Variants in AMY1A observed in about 807,000 individuals in gnomAD.
AMY1A encodes amylase alpha 1A, also known as alpha-amylase 1A.
AMY1A carries 3 observed loss-of-function variants against 13.5 expected under a neutral mutation model. The ratio of observed to expected loss-of-function variants is 0.22; its 90% CI spans 0.10 to 0.57. AMY1A has a LOEUF of 0.57. Ranked by LOEUF, AMY1A falls within the 20% of genes least tolerant of loss-of-function variation. The probability of loss-of-function intolerance (pLI) is 0.92; values close to 1 mark genes in which losing one functional copy is unlikely to be tolerated. For synonymous variants in AMY1A, 3 were observed against 29.4 expected (o/e 0.10, Z 2.90); for missense variants, 9 against 101.2 (o/e 0.09, Z 3.91).
chr1:103,660,834 T>TA (rs1393816402), intron 8 of AMY1A, among the ~76,000 whole-genome samples, 158 bp downstream of exon 8: 1 of 101,740 alleles, frequency 9.8e-6, no homozygotes, highest in East Asian at 2.6e-4. Context: ...CAGGTTATAT[T>TA]AAAGGAATAA....
Position 103,660,504 on chromosome 1 carries a change from T to C in AMY1A, c.1001+22T>C, listed in dbSNP as rs770134233. The C allele has an allele frequency of 1.3e-5, 18 of 1,404,600 alleles. No homozygotes were observed. In the South Asian group the frequency reaches 2.4e-4, roughly 19 times the overall value. The allele number at this position is 1,404,600 out of a possible 1,614,324, so 87.0% of individuals were successfully genotyped here. ...CTAGGTAAAAAACCAAGTTCTCTAT[T>C]TTTTTAACACCTCTTTTAATGATGG... is the stretch of plus-strand genomic sequence containing the variant. On this transcript the variant is annotated intron_variant, in intron 7 of 10. Transcript: ENST00000370083.
chr1:103,662,344 G>T (rs1485160272), intron 8 of AMY1A, among the ~76,000 whole-genome samples: 3 of 121,780 alleles, frequency 2.5e-5, no homozygotes, highest in Non-Finnish European at 5.4e-5. Context: ...GATCAAGGCT[G>T]CAGTGAGCTA....
chr1:103,660,936 TA>T (rs1233607075), intron 8 of AMY1A, among the ~76,000 whole-genome samples: 2 of 56,838 alleles, frequency 3.5e-5, no homozygotes, highest in Non-Finnish European at 8.1e-5. Context: ...AAATAAAAAT[TA>T]AAAAAACCAC....
rs1319547940 is a variant in AMY1A at position 103,660,530 on chromosome 1, T to C, written c.1002-47T>C. 2.1e-6 allele frequency: 3 copies of C among 1,395,966 alleles called. 1 individual carries two copies. The highest frequency in any genetic ancestry group is 1.9e-5 in the Admixed American group (1 of 52,312). The allele number at this position is 1,395,966 out of a possible 1,614,324, so 86.5% of individuals were successfully genotyped here. A position where few individuals can be genotyped will look rare whatever the true frequency, so the allele number is the denominator to read the frequency against. On this transcript the variant is annotated intron_variant, in intron 7 of 10. Coordinates refer to ENST00000370083, the MANE Select transcript of AMY1A (RefSeq NM_004038.4). ...TTTTTAACACCTCTTTTAATGATGG[T>C]ATGAATATTGTGATATTCTATGATA... is the stretch of plus-strand genomic sequence containing the variant.
intron 8 of AMY1A, among the ~76,000 whole-genome samples, chr1:103,660,913 G>A (rs1442666572): frequency 1.3e-5 from 1 of 75,322 alleles, no homozygotes; most frequent in African/African-American, 4.3e-5. Context: ...CCCCTAGCCC[G>A]CAGGGAAAAT....
At chr1:103,662,202 T>C (rs1476505262) in intron 8 of AMY1A, among the ~76,000 whole-genome samples, 2 of 131,830 alleles carry the variant, frequency 1.5e-5, no homozygotes, top group Non-Finnish European at 3.3e-5. Flanking sequence ...TCAAGACCTA[T>C]CTGGGCAAGC....
chr1:103,662,225 G>T (rs1283002386), intron 8 of AMY1A, among the ~76,000 whole-genome samples: 1 of 135,942 alleles, frequency 7.4e-6, no homozygotes, highest in Admixed American at 7.6e-5. Flanking sequence ...GCAAGACCTT[G>T]CCTCTACTGA....
At chr1:103,660,918 GAAAATA>G (rs1029100176) in intron 8 of AMY1A, among the ~76,000 whole-genome samples, 1 of 71,382 alleles carries the variant, frequency 1.4e-5, no homozygotes, top group African/African-American at 4.5e-5. Context: ...AGCCCGCAGG[GAAAATA>G]AAAATAAAAA....
At chr1:103,662,253 A>T (rs1474725850) in intron 8 of AMY1A, among the ~76,000 whole-genome samples, 9 of 137,874 alleles carry the variant, frequency 6.5e-5, no homozygotes, top group Non-Finnish European at 1.4e-4. Flanking sequence ...AAAAAAAAAA[A>T]AATTAGCTGG....
chr1:103,660,618 A>C lies in AMY1A; in HGVS notation c.1043A>C (p.Tyr348Ser). 7.7e-7 allele frequency: 1 copy of C among 1,299,740 alleles called. No individual in the cohort carries two copies. Among genetic ancestry groups the C allele is most frequent in the Non-Finnish European group, 1.0e-6 (1 of 966,246 alleles). The allele number at this position is 1,299,740 out of a possible 1,614,324, so 80.5% of individuals were successfully genotyped here. Residue 348 changes from tyrosine to serine, a missense_variant, in exon 8 of 11, where the codon TAT becomes TCT. Transcript: ENST00000370083. The part of the protein sequence containing the change: ...MAVGFMLAHP[Y>S]GFTRVMSSYR... ...GTTGGATTTATGCTTGCTCATCCTT[A>C]TGGATTTACACGAGTAATGTCAAGC...
Position 103,660,483 on chromosome 1 carries a change from G to T in AMY1A, c.1001+1G>T. 7.1e-7 allele frequency: 1 copy of T among 1,405,930 alleles called. No individual in the cohort carries two copies. Among genetic ancestry groups the T allele is most frequent in the South Asian group, 1.3e-5 (1 of 75,798 alleles). The allele number at this position is 1,405,930 out of a possible 1,614,324, so 87.1% of individuals were successfully genotyped here. A position where few individuals can be genotyped will look rare whatever the true frequency, so the allele number is the denominator to read the frequency against. ...CTATACTTACCTTCTGGGATGCTAG[G>T]TAAAAAACCAAGTTCTCTATTTTTT... On this transcript the variant is annotated splice_donor_variant, in intron 7 of 10. Coordinates refer to ENST00000370083, the MANE Select transcript of AMY1A (RefSeq NM_004038.4). LOFTEE classifies it high-confidence loss of function.
intron 7 of AMY1A, 35 bp downstream of exon 7, chr1:103,660,517 C>T (rs1462125651): frequency 2.1e-6 from 3 of 1,401,928 alleles, no homozygotes; most frequent in South Asian, 1.3e-5. Context: ...TTTAACACCT[C>T]TTTTAATGAT....
At chr1:103,660,745 A>AT in intron 8 of AMY1A, 69 bp downstream of exon 8, 1 of 789,652 alleles carries the variant, frequency 1.3e-6, no homozygotes, top group South Asian at 2.1e-5. Flanking sequence ...CTAATTTAAT[A>AT]TGACAACTAT....
rs947735182 is a variant in AMY1A at position 103,663,967 on chromosome 1, T to TA, written c.1347-357dup. Among the ~76,000 whole-genome samples the TA allele has an allele frequency of 6.8e-4, 30 of 43,868 alleles. 12 individuals are homozygous for TA. Among genetic ancestry groups the TA allele is most frequent in the Non-Finnish European group, 2.4e-4 (6 of 25,198 alleles). 28.8% of individuals were successfully genotyped at this position (43,868 alleles called of 152,430 possible). A position where few individuals can be genotyped will look rare whatever the true frequency, so the allele number is the denominator to read the frequency against. On this transcript the variant is annotated intron_variant, in intron 10 of 10. Coordinates refer to ENST00000370083, the MANE Select transcript of AMY1A (RefSeq NM_004038.4). ...GACCTCATGTAGAATAAAAGAAGGT[T>TA]AAAAAAATAATACCCTTTAAATTTT...
intron 8 of AMY1A, among the ~76,000 whole-genome samples, chr1:103,662,291 G>C (rs1415737900): frequency 1.5e-5 from 2 of 133,810 alleles, no homozygotes; most frequent in African/African-American, 5.2e-5. Flanking sequence ...AACAGTCTTA[G>C]CTACTTGGGA....
intron 8 of AMY1A, among the ~76,000 whole-genome samples, chr1:103,662,331 G>A (rs1277691860): frequency 8.0e-5 from 10 of 124,978 alleles, no homozygotes; most frequent in South Asian, 2.6e-4. Context: ...CTTGAGCCTC[G>A]GAGATCAAGG....
At chr1:103,662,320 G>T (rs1350684972) in intron 8 of AMY1A, among the ~76,000 whole-genome samples, 2 of 127,860 alleles carry the variant, frequency 1.6e-5, no homozygotes, top group African/African-American at 5.3e-5. Context: ...TGGGAGGTTC[G>T]CTTGAGCCTC....
intron 6 of AMY1A, among the ~76,000 whole-genome samples, chr1:103,660,150 GTGTT>G (rs1272364857): frequency 8.8e-5 from 2 of 22,600 alleles, no homozygotes; most frequent in African/African-American, 3.3e-4. Flanking sequence ...TTACACACGT[GTGTT>G]TGTTTATGAG....
chr1:103,660,797 C>CT, intron 8 of AMY1A, 121 bp downstream of exon 8: 1 of 924,684 alleles, frequency 1.1e-6, no homozygotes. Flanking sequence ...TATTGTAAAC[C>CT]TGATACAGGA....
Sources: allele counts gnomAD v4.1 joint callset (sites outside exome capture counted in the v4.1 genomes callset), GRCh38; gene constraint gnomAD v4.1.1; transcripts MANE v1.5; gene names NCBI Gene and HGNC (gene_info 2026-07-23, HGNC 2026-07-21).